The following MICALL1 variants were observed in gnomAD, a reference collection of about 807,000 sequenced individuals.
The protein encoded by MICALL1 is MICAL like 1.
A neutral mutation model predicts 83.7 loss-of-function variants in MICALL1; 61 were observed. The observed-to-expected ratio is 0.73, with a 90% CI of 0.59 to 0.90. MICALL1 has a LOEUF of 0.90. Among genes scored for constraint, MICALL1 ranks in the 40% least tolerant of loss-of-function variants. MICALL1 has a pLI of 0.00. For missense variants in MICALL1, 1,066 were observed against 1,152.0 expected (o/e 0.93, Z 1.08); for synonymous variants, 481 against 473.6 (o/e 1.02, Z -0.20).
rs1416297555 is a variant in MICALL1, at chr22:37,906,965, C to G, written c.146+397C>G. On this transcript the variant is annotated intron_variant, in intron 1 of 15. Coordinates refer to ENST00000215957, the MANE Select transcript of MICALL1 (RefSeq NM_033386.4). This position sits in a 1 kb window ranked among gnomAD's most constrained non-coding sequence, Gnocchi z 4.4. ...AACTCTTCTCCACGGGCTCGCCGGG[C>G]CTCCCCTCTCCCCCGAGGCTTCCCA... 1 of 152,978 alleles carries G rather than the reference C, an allele frequency of 6.5e-6. No individual in the cohort carries two copies. Among genetic ancestry groups the G allele is most frequent in the African/African-American group, 2.4e-5 (1 of 41,506 alleles). The allele number at this position is 152,978 out of a possible 1,614,324, so 9.5% of individuals were successfully genotyped here.
intron 3 of MICALL1, among the ~76,000 whole-genome samples, chr22:37,916,581 C>G (rs1257743779): frequency 6.6e-6 from 1 of 152,138 alleles, no homozygotes; most frequent in Non-Finnish European, 1.5e-5. Context: ...AAGTTTGGAG[C>G]CTGCCCCTGG....
At chr22:37,917,652 C>T (rs1281039173) in intron 3 of MICALL1, 55 bp from the exon 4 acceptor site, 5 of 1,565,946 alleles carry the variant, frequency 3.2e-6, no homozygotes, top group Non-Finnish European at 4.4e-6. Flanking sequence ...GTTGGGACCT[C>T]CTGGGACTCC....
intron 15 of MICALL1, 168 bp downstream of exon 15, chr22:37,937,960 C>A: frequency 1.2e-6 from 1 of 829,516 alleles, no homozygotes; most frequent in Non-Finnish European, 1.9e-6. Context: ...CAAGAGAGGC[C>A]AGCATACAGC....
chr22:37,928,034 G>A (rs970743813), intron 9 of MICALL1, among the ~76,000 whole-genome samples: 1 of 151,586 alleles, frequency 6.6e-6, no homozygotes, highest in Non-Finnish European at 1.5e-5. Flanking sequence ...GAGCCCCCAA[G>A]TAGCTGGTAC....
rs114095508 is a variant in MICALL1 at position 37,912,207 on chromosome 22, C to G, written c.196-144C>G. 8.9e-4 allele frequency: 1,031 copies of G among 1,157,372 alleles called. 5 individuals are homozygous for G. In the African/African-American group the frequency reaches 0.013, roughly 14 times the overall value. The allele number at this position is 1,157,372 out of a possible 1,614,324, so 71.7% of individuals were successfully genotyped here. On this transcript the variant is annotated intron_variant, in intron 2 of 15. Transcript: ENST00000215957. ...CCTTTCTCCAGGCCATCCTGTGGTG[C>G]TTGGGTGGGATTAATACTGAGGGGA...
chr22:37,925,766 C>T lies in MICALL1; in HGVS notation c.1188C>T (p.Ser396=), dbSNP rs1403507760. The change falls in exon 8 of 16, where the codon AGC becomes AGT. Residue 396 remains serine (S), a synonymous_variant. Coordinates refer to ENST00000215957, the MANE Select transcript of MICALL1 (RefSeq NM_033386.4). ...CAAGCAGCAGCCCGGGGCCACCAAG[C>T]CAGGACAGCAGGCAGGTGGAGAATG... The part of the protein sequence containing the change: ...LPPSSSPGPP[S]QDSRQVENGG... The T allele has an allele frequency of 6.2e-7, 1 of 1,613,146 alleles. No homozygotes were observed. Among genetic ancestry groups the T allele is most frequent in the South Asian group, 1.1e-5 (1 of 91,028 alleles).
Position 37,906,443 on chromosome 22 carries a change from G to A in MICALL1, c.21G>A (p.Ala7=). 8.6e-7 allele frequency: 1 copy of A among 1,167,920 alleles called. No homozygotes were observed. Among genetic ancestry groups the A allele is most frequent in the African/African-American group, 1.6e-5 (1 of 61,570 alleles). 72.3% of individuals were successfully genotyped at this position (1,167,920 alleles called of 1,614,324 possible). ...GGGTCATGGCTGGGCCGCGGGGCGCGCTGCTGGCCTGGTGCCGCCGCCAGT... is the reference window on the plus strand; with the variant it reads ...GGGTCATGGCTGGGCCGCGGGGCGCACTGCTGGCCTGGTGCCGCCGCCAGT... The part of the protein sequence containing the change: MAGPRG[A]LLAWCRRQCE... Residue 7 remains alanine (A), a synonymous_variant, in exon 1 of 16, where the codon GCG becomes GCA. Coordinates refer to ENST00000215957, the MANE Select transcript of MICALL1 (RefSeq NM_033386.4). The surrounding 1 kb of genome is among the most constrained non-coding windows in gnomAD (Gnocchi z 4.4).
chr22:37,925,115 G>A (rs1384467122), intron 7 of MICALL1, among the ~76,000 whole-genome samples: 1 of 152,208 alleles, frequency 6.6e-6, no homozygotes, highest in Non-Finnish European at 1.5e-5. Context: ...ACGGGACCCT[G>A]CTTCACGTGG....
intron 3 of MICALL1, among the ~76,000 whole-genome samples, chr22:37,913,706 G>C (rs1928485034): frequency 5.3e-5 from 8 of 152,094 alleles, no homozygotes; most frequent in Admixed American, 5.2e-4. Flanking sequence ...GGCCTAGAGA[G>C]GGGAAGCAAG....
chr22:37,923,451 CT>C (rs1929224267), intron 6 of MICALL1, among the ~76,000 whole-genome samples: 1 of 152,218 alleles, frequency 6.6e-6, no homozygotes, highest in Non-Finnish European at 1.5e-5. Context: ...TGGTCTCGAA[CT>C]CCTGACTTCA....
rs1305523436 is a variant in MICALL1, at chr22:37,932,148, G to A, written c.2016+215G>A. The stretch of plus-strand genomic sequence containing the variant: ...AGCCCTTCACCACCAAAAGCAGTGG[G>A]TGGTGCATTTAATTTGTTACTAACA... On this transcript the variant is annotated intron_variant, in intron 10 of 15. Coordinates refer to ENST00000215957, the MANE Select transcript of MICALL1 (RefSeq NM_033386.4). This position sits in a 1 kb window ranked among gnomAD's most constrained non-coding sequence, Gnocchi z 4.4. Among the ~76,000 whole-genome samples, 1 of 152,256 alleles carries A rather than the reference G, an allele frequency of 6.6e-6. No individual in the cohort carries two copies. Among genetic ancestry groups the A allele is most frequent in the Non-Finnish European group, 1.5e-5 (1 of 68,048 alleles).
chr22:37,925,648 C>T lies in MICALL1; in HGVS notation c.1083-13C>T. 2.5e-6 allele frequency: 4 copies of T among 1,574,762 alleles called. No homozygotes were observed. The highest frequency in any genetic ancestry group is 3.5e-6 in the Non-Finnish European group (4 of 1,154,142). On this transcript the variant is annotated splice_polypyrimidine_tract_variant and intron_variant, in intron 7 of 15. Coordinates refer to ENST00000215957, the MANE Select transcript of MICALL1 (RefSeq NM_033386.4). ...CTCTGCTAATGGTTTCTGCTGCTTC[C>T]CCCCTCCTCCAGGACACCAGCCCCC...
intron 3 of MICALL1, 29 bp downstream of exon 3, chr22:37,912,521 G>A: frequency 1.3e-6 from 2 of 1,567,668 alleles, no homozygotes; most frequent in Non-Finnish European, 1.7e-6. Flanking sequence ...GTTTCACGGA[G>A]GCTGGCCCAG....
intron 13 of MICALL1, 36 bp downstream of exon 13, chr22:37,933,148 C>T: frequency 6.2e-7 from 1 of 1,603,144 alleles, no homozygotes; most frequent in Non-Finnish European, 8.5e-7. Context: ...TGGCACCTGC[C>T]CTGGGGCCTG....
chr22:37,930,859 T>G lies in MICALL1; in HGVS notation c.1882-940T>G, dbSNP rs1222453951. Among the ~76,000 whole-genome samples, 1 of 152,240 alleles carries G rather than the reference T, an allele frequency of 6.6e-6. No homozygotes were observed. Among genetic ancestry groups the G allele is most frequent in the Admixed American group, 6.5e-5 (1 of 15,288 alleles). On this transcript the variant is annotated intron_variant, in intron 9 of 15. Coordinates refer to ENST00000215957, the MANE Select transcript of MICALL1 (RefSeq NM_033386.4). This position sits in a 1 kb window ranked among gnomAD's most constrained non-coding sequence, Gnocchi z 4.8. ...CAAACACTTCCTGGCTGGGTGACCC[T>G]GGGTGAGGAACTTCACCTCTCTGAG...
intron 2 of MICALL1, 53 bp from the exon 3 acceptor site, chr22:37,912,295 GCCT>G (rs1182549441): frequency 1.3e-6 from 2 of 1,557,940 alleles, no homozygotes; most frequent in African/African-American, 2.7e-5. Context: ...GCCCCCTAAC[GCCT>G]CCTCCTCTTC....
rs1200543512 is a variant in MICALL1 at position 37,922,126 on chromosome 22, C to G, written c.724C>G (p.Gln242Glu). The change falls in exon 6 of 16, where the codon CAG (glutamine) becomes GAG (glutamate). Residue 242 changes from glutamine to glutamate, a missense_variant. Transcript: ENST00000215957. ...CTTCTCACAGCCAAAGCAGCAGCAC[C>G]AGCAGCAACTCGCAGAAGATGCCAA... ...GPFSQPKQQHQQQLAEDAKDV... is the reference protein window; with the variant it reads ...GPFSQPKQQHEQQLAEDAKDV... 6.2e-7 allele frequency: 1 copy of G among 1,613,308 alleles called. No homozygotes were observed. The highest frequency in any genetic ancestry group is 8.5e-7 in the Non-Finnish European group (1 of 1,180,006).
Position 37,921,891 on chromosome 22 carries a change from G to C in MICALL1, c.570-81G>C, listed in dbSNP as rs535300857. Reference sequence around the variant, plus strand: ...TTGGGAGGAGGGAAGGGAGGAGACAGCCCTGGGTGCGGCTGGAGGGGTAGC... The same window carrying C: ...TTGGGAGGAGGGAAGGGAGGAGACACCCCTGGGTGCGGCTGGAGGGGTAGC... On this transcript the variant is annotated intron_variant, in intron 5 of 15. Transcript: ENST00000215957. 180 of 1,380,600 alleles carry C rather than the reference G, an allele frequency of 1.3e-4. 1 individual carries two copies. In the African/African-American group the frequency reaches 2.3e-3, roughly 18 times the overall value. The allele number at this position is 1,380,600 out of a possible 1,614,324, so 85.5% of individuals were successfully genotyped here.
rs1929291659 is a variant in MICALL1 at position 37,924,453 on chromosome 22, A to G, written c.1025-207A>G. On this transcript the variant is annotated intron_variant, in intron 6 of 15. Transcript: ENST00000215957. This position sits in a 1 kb window ranked among gnomAD's most constrained non-coding sequence, Gnocchi z 5.2. ...GGGTTTCTTCTCAAATGAAATGCAA[A>G]CGGGGTCTCAGGTGGCCTGGCCTTG... 6.6e-6 allele frequency among the ~76,000 whole-genome samples: 1 copy of G among 151,990 alleles called. No homozygotes were observed. Among genetic ancestry groups the G allele is most frequent in the Admixed American group, 6.6e-5 (1 of 15,256 alleles).
Sources: allele counts gnomAD v4.1 joint callset (sites outside exome capture counted in the v4.1 genomes callset), GRCh38; gene constraint gnomAD v4.1.1; non-coding constraint Gnocchi (gnomAD v3.1); transcripts MANE v1.5; gene names NCBI Gene and HGNC (gene_info 2026-07-23, HGNC 2026-07-21).